USP34: variants seen among roughly 807,000 people sequenced by gnomAD.
USP34 encodes the protein ubiquitin specific peptidase 34.
In USP34, 70 loss-of-function variants were observed where a neutral mutation model predicts 460.3. The observed-to-expected ratio is 0.15, with a 90% CI of 0.13 to 0.19. The LOEUF (loss-of-function observed/expected upper bound fraction) is 0.19. Ranked by LOEUF, USP34 falls within the 10% of genes least tolerant of loss-of-function variation. USP34 has a pLI of 1.00. For synonymous variants in USP34, 1,647 were observed against 1,405.3 expected, an observed-to-expected ratio of 1.17 and a Z score of -3.85; for missense variants, 3,985 against 4,236.2, an observed-to-expected ratio of 0.94 and a Z score of 1.65.
rs1359197970 is a variant in USP34 at position 61,290,748 on chromosome 2, G to T, written c.4549-1871C>A. Among the ~76,000 whole-genome samples, 3 of 152,214 alleles carry T rather than the reference G, an allele frequency of 2.0e-5. No homozygotes were observed. The South Asian group carries it at 6.2e-4, about 32-fold the overall frequency. ...TTTTTCAAAACTCACTCTTTAAAAT[G>T]AGTGCATTATTTATTACATGAAAAG... is the stretch of plus-strand genomic sequence containing the variant. On this transcript the variant is annotated intron_variant, in intron 33 of 79. Transcript: ENST00000398571.
chr2:61,214,304 G>C lies in USP34; in HGVS notation c.8438C>G (p.Pro2813Arg), dbSNP rs369458135. 6.8e-5 allele frequency: 109 copies of C among 1,614,188 alleles called. No homozygotes were observed. The highest frequency in any genetic ancestry group is 8.1e-5 in the Non-Finnish European group (96 of 1,180,030). Residue 2813 changes from proline to arginine, a missense_variant, in exon 68 of 80, where the codon CCA becomes CGA. Around this residue, in one of 14 missense-constraint regions of USP34, gnomAD observed 66 missense variants for 121.2 expected, o/e 0.54. Transcript: ENST00000398571. ...CTGAACAATAAGGCGGATATTCTCT[G>C]GACAGTCAGCACAGACATTGTACCA... The part of the protein sequence containing the change: ...SFWYNVCADC[P>R]ENIRLIVQNP...
intron 7 of USP34, among the ~76,000 whole-genome samples, chr2:61,379,026 A>G (rs1293589642): frequency 1.4e-4 from 21 of 152,052 alleles, no homozygotes; most frequent in Non-Finnish European, 4.4e-5. Context: ...AAACACAACA[A>G]TTTAACGCAA....
chr2:61,370,643 G>A, intron 8 of USP34, 64 bp from the exon 9 acceptor site: 27 of 1,482,418 alleles, frequency 1.8e-5, no homozygotes, highest in Non-Finnish European at 2.5e-5. Flanking sequence ...TGTCTAAAAG[G>A]TAGAGTCAAT....
intron 51 of USP34, among the ~76,000 whole-genome samples, chr2:61,242,174 G>A (rs1176047893): frequency 2.6e-5 from 4 of 152,042 alleles, no homozygotes; most frequent in Non-Finnish European, 5.9e-5. Flanking sequence ...AATAAAAACT[G>A]AATTTAAATA....
intron 27 of USP34, among the ~76,000 whole-genome samples, chr2:61,301,684 T>C (rs1690229037): frequency 1.3e-5 from 2 of 152,222 alleles, no homozygotes; most frequent in African/African-American, 4.8e-5. Context: ...TATCTCACAC[T>C]ATGTTCAGCC....
rs1346647056 is a variant in USP34, at chr2:61,339,205, T to C, written c.2744+146A>G. The C allele has an allele frequency of 5.1e-6, 4 of 790,638 alleles. No individual in the cohort carries two copies. In the African/African-American group the frequency reaches 7.3e-5, roughly 14 times the overall value. The allele number at this position is 790,638 out of a possible 1,614,324, so 49.0% of individuals were successfully genotyped here. On this transcript the variant is annotated intron_variant, in intron 18 of 79. Transcript: ENST00000398571. ...ACCATGTTAAGAAGAAACCTCTAAA[T>C]TTCATATGAAAACTATAATTACTAA...
intron 41 of USP34, among the ~76,000 whole-genome samples, chr2:61,269,091 A>G (rs1223189164): frequency 6.6e-6 from 1 of 152,214 alleles, no homozygotes; most frequent in Non-Finnish European, 1.5e-5. Context: ...TAAATACATT[A>G]CAATTACATT....
At chr2:61,321,957 G>A (rs569492234) in intron 21 of USP34, among the ~76,000 whole-genome samples, 26 of 152,272 alleles carry the variant, frequency 1.7e-4, no homozygotes, top group African/African-American at 3.8e-4. Context: ...GGCCGGGCAC[G>A]GTGGCTCACA....
chr2:61,457,633 C>T lies in USP34; in HGVS notation c.43+13017G>A, dbSNP rs186589796. ...ATCCCAGCACTTTGGGAGGCTGAGG[C>T]GGGAGAATCACTTGAGGCCAGAAGT... On this transcript the variant is annotated intron_variant, in intron 1 of 79. Coordinates refer to ENST00000398571, the MANE Select transcript of USP34 (RefSeq NM_014709.4). Among the ~76,000 whole-genome samples, 787 of 152,176 alleles carry T rather than the reference C, an allele frequency of 5.2e-3. 3 individuals carry two copies. Among genetic ancestry groups the T allele is most frequent in the Non-Finnish European group, 8.9e-3 (607 of 68,008 alleles).
At chr2:61,303,358 G>C (rs1233858970) in intron 27 of USP34, among the ~76,000 whole-genome samples, 1 of 151,396 alleles carries the variant, frequency 6.6e-6, no homozygotes, top group Non-Finnish European at 1.5e-5. Flanking sequence ...GAGCCACCAC[G>C]GCCCAGCCAG....
At chr2:61,344,226 T>C (rs1297481727) in intron 15 of USP34, among the ~76,000 whole-genome samples, 197 bp from the exon 16 acceptor site, 6 of 152,182 alleles carry the variant, frequency 3.9e-5, no homozygotes, top group African/African-American at 1.4e-4. Context: ...TTTTACAATA[T>C]ACAGTCATAT....
At chr2:61,230,903 C>G (rs776544688) in intron 58 of USP34, among the ~76,000 whole-genome samples, 2 of 149,790 alleles carry the variant, frequency 1.3e-5, no homozygotes, top group Non-Finnish European at 3.0e-5. Context: ...TAAAAACATA[C>G]ACAAAGAAGT....
At chr2:61,241,476 A>G (rs1028352885) in intron 53 of USP34, 84 bp downstream of exon 53, 1 of 955,542 alleles carries the variant, frequency 1.0e-6, no homozygotes, top group Non-Finnish European at 1.5e-6. Flanking sequence ...ATCAACCTGT[A>G]GAACCTGTTC....
intron 58 of USP34, 98 bp downstream of exon 58, chr2:61,232,354 A>C: frequency 1.0e-6 from 1 of 988,484 alleles, no homozygotes; most frequent in South Asian, 1.5e-5. Context: ...AACTATTATC[A>C]ATATTAGGTT....
chr2:61,419,449 T>A (rs777858486), intron 2 of USP34, among the ~76,000 whole-genome samples: 1 of 152,130 alleles, frequency 6.6e-6, no homozygotes, highest in Non-Finnish European at 1.5e-5. Flanking sequence ...TATGAAAATC[T>A]CCTTTATAAT....
At chr2:61,301,313 A>C (rs566141253) in intron 28 of USP34, 41 bp downstream of exon 28, 6 of 1,596,184 alleles carry the variant, frequency 3.8e-6, no homozygotes, top group Non-Finnish European at 5.1e-6. Flanking sequence ...TGATGATTAT[A>C]AACAGATCAT....
At chr2:61,378,576 C>T (rs1692865772) in intron 7 of USP34, 152 bp from the exon 8 acceptor site, 1 of 509,848 alleles carries the variant, frequency 2.0e-6, no homozygotes, top group South Asian at 3.0e-5. Flanking sequence ...GAGACACACG[C>T]TTCCCAATTA....
intron 41 of USP34, among the ~76,000 whole-genome samples, chr2:61,276,722 T>C (rs943215461): frequency 6.6e-6 from 1 of 152,194 alleles, no homozygotes; most frequent in Admixed American, 6.5e-5. Context: ...GCTGTAAATC[T>C]ATCAAATCAT....
intron 75 of USP34, among the ~76,000 whole-genome samples, chr2:61,197,314 T>C (rs995265720): frequency 6.6e-6 from 1 of 152,144 alleles, no homozygotes; most frequent in African/African-American, 2.4e-5. Flanking sequence ...TTTCTAGGTA[T>C]GTCAGATCAT....
Sources: allele counts gnomAD v4.1 joint callset (sites outside exome capture counted in the v4.1 genomes callset), GRCh38; gene constraint gnomAD v4.1.1; regional missense constraint gnomAD v4.1.1; transcripts MANE v1.5; gene names NCBI Gene and HGNC (gene_info 2026-07-23, HGNC 2026-07-21).